The following ZBTB20 variants were observed in gnomAD, a reference collection of about 807,000 sequenced individuals.
The protein encoded by ZBTB20 is zinc finger and BTB domain containing 20.
Under a neutral mutation model 56.9 loss-of-function variants are expected in ZBTB20, and 9 were observed. The ratio of observed to expected loss-of-function variants is 0.16; its 90% CI spans 0.10 to 0.28. ZBTB20 has a LOEUF of 0.28. Among genes scored for constraint, ZBTB20 ranks in the 10% least tolerant of loss-of-function variants. ZBTB20 has a pLI of 1.00. For missense variants in ZBTB20, 655 were observed against 1,003.0 expected (o/e 0.65, Z 4.69); for synonymous variants, 417 against 420.7 (o/e 0.99, Z 0.11).
At chr3:114,342,237 A>G (rs900532221) in intron 11 of ZBTB20, among the ~76,000 whole-genome samples, 2 of 152,198 alleles carry the variant, frequency 1.3e-5, no homozygotes, top group African/African-American at 4.8e-5. Context: ...TTTCTTGCAT[A>G]TTACTTACAG....
intron 5 of ZBTB20, among the ~76,000 whole-genome samples, chr3:114,713,540 C>T (rs933867100): frequency 5.3e-5 from 8 of 152,084 alleles, no homozygotes; most frequent in Admixed American, 6.6e-5. Context: ...CCTGATGGCC[C>T]CCTCAAAGCA....
chr3:114,592,285 C>T (rs2055847203), intron 6 of ZBTB20, among the ~76,000 whole-genome samples: 1 of 152,150 alleles, frequency 6.6e-6, no homozygotes, highest in Admixed American at 6.5e-5. Context: ...ATAATACTAG[C>T]TTTGCCTTAG....
chr3:114,553,086 A>G (rs1323175106), intron 6 of ZBTB20, among the ~76,000 whole-genome samples: 3 of 152,188 alleles, frequency 2.0e-5, no homozygotes, highest in African/African-American at 7.2e-5. Flanking sequence ...AGCAACTGGG[A>G]GCAATGCCTT....
Position 114,338,669 on chromosome 3 carries a change from C to G in ZBTB20, c.*336G>C. On this transcript the variant is annotated 3_prime_UTR_variant, in exon 12 of 12. Transcript: ENST00000675478. Reference sequence around the variant, plus strand: ...AGTGGAAATTTTTTTTTTTTTTTTACTTTTTTTTAAAAGATTTTTTTGTAA... The same window carrying G: ...AGTGGAAATTTTTTTTTTTTTTTTAGTTTTTTTTAAAAGATTTTTTTGTAA... The G allele has an allele frequency of 1.9e-5, 3 of 154,420 alleles. No individual in the cohort carries two copies. Among genetic ancestry groups the G allele is most frequent in the Non-Finnish European group, 4.1e-5 (3 of 73,466 alleles). The allele number at this position is 154,420 out of a possible 1,614,324, so 9.6% of individuals were successfully genotyped here.
chr3:115,020,288 A>G (rs1318909932), intron 2 of ZBTB20, among the ~76,000 whole-genome samples: 1 of 151,198 alleles, frequency 6.6e-6, no homozygotes, highest in Non-Finnish European at 1.5e-5. Context: ...TGCTACACCT[A>G]TAAATTACCA....
At chr3:114,940,311 C>T (rs1262828903) in intron 3 of ZBTB20, among the ~76,000 whole-genome samples, 3 of 146,294 alleles carry the variant, frequency 2.1e-5, no homozygotes, top group Admixed American at 1.3e-4. Flanking sequence ...ACTCTCTTCA[C>T]TATGCACATA....
intron 6 of ZBTB20, among the ~76,000 whole-genome samples, chr3:114,630,637 G>A (rs1210259718): frequency 5.3e-5 from 8 of 152,186 alleles, no homozygotes; most frequent in African/African-American, 9.7e-5. Context: ...TGGAGAAACC[G>A]TGCACATTGC....
chr3:115,018,736 T>C (rs1424731765), intron 2 of ZBTB20, among the ~76,000 whole-genome samples: 1 of 151,534 alleles, frequency 6.6e-6, no homozygotes, highest in African/African-American at 2.4e-5. Context: ...ATAACTACAA[T>C]TCCTTGAAGA....
intron 5 of ZBTB20, chr3:114,714,155 G>C (rs1254581511): frequency 6.6e-6 from 1 of 152,426 alleles, no homozygotes; most frequent in Non-Finnish European, 1.5e-5. Flanking sequence ...ACTGAAATAA[G>C]TGAAGTACAG....
intron 8 of ZBTB20, among the ~76,000 whole-genome samples, chr3:114,383,914 G>A (rs953087385): frequency 6.6e-6 from 1 of 152,176 alleles, no homozygotes; most frequent in African/African-American, 2.4e-5. Context: ...ACATCTGAGG[G>A]CAAGTCTTTT....
chr3:114,354,912 A>G (rs1343619880), intron 10 of ZBTB20, among the ~76,000 whole-genome samples: 2 of 152,168 alleles, frequency 1.3e-5, no homozygotes, highest in Non-Finnish European at 2.9e-5. Flanking sequence ...GCTATTTCAT[A>G]TAAGAGAAAG....
chr3:115,014,790 C>T (rs1371511650), intron 2 of ZBTB20, among the ~76,000 whole-genome samples: 4 of 151,314 alleles, frequency 2.6e-5, no homozygotes, highest in African/African-American at 9.7e-5. Flanking sequence ...TTTTTGTTTC[C>T]TTATTGTTTG....
intron 5 of ZBTB20, among the ~76,000 whole-genome samples, chr3:114,694,691 A>G (rs2062898833): frequency 6.6e-6 from 1 of 152,074 alleles, no homozygotes; most frequent in Admixed American, 6.6e-5. Flanking sequence ...GATAGCTAGA[A>G]TCATAAGTAT....
intron 6 of ZBTB20, among the ~76,000 whole-genome samples, chr3:114,657,620 C>G (rs190372947): frequency 1.3e-5 from 2 of 152,268 alleles, no homozygotes; most frequent in African/African-American, 4.8e-5. Flanking sequence ...GCTCCATTCG[C>G]TAACATCACA....
chr3:115,062,943 T>C (rs1024421851), intron 2 of ZBTB20, among the ~76,000 whole-genome samples: 1 of 152,340 alleles, frequency 6.6e-6, no homozygotes, highest in East Asian at 1.9e-4. Context: ...ATTTGTCTTA[T>C]GATTATACCT....
chr3:115,096,251 T>C (rs2083376964), intron 1 of ZBTB20, among the ~76,000 whole-genome samples: 1 of 152,212 alleles, frequency 6.6e-6, no homozygotes, highest in Admixed American at 6.5e-5. Context: ...AAACTGTTTC[T>C]ATGTAGGTAA....
At chr3:114,517,126 C>T (rs139215273) in intron 6 of ZBTB20, among the ~76,000 whole-genome samples, 1 of 152,228 alleles carries the variant, frequency 6.6e-6, no homozygotes, top group Non-Finnish European at 1.5e-5. Flanking sequence ...TTTTTGTTCA[C>T]TAATAAGTAA....
chr3:114,615,344 A>G (rs1342248369), intron 6 of ZBTB20, among the ~76,000 whole-genome samples: 1 of 152,148 alleles, frequency 6.6e-6, no homozygotes, highest in Non-Finnish European at 1.5e-5. Flanking sequence ...ATATCTAGGG[A>G]ATCACTTTTA....
At chr3:114,878,515 T>C (rs2076279539) in intron 4 of ZBTB20, among the ~76,000 whole-genome samples, 1 of 151,470 alleles carries the variant, frequency 6.6e-6, no homozygotes. Flanking sequence ...GTCAAATGTT[T>C]CTCCACTCAG....
Sources: allele counts gnomAD v4.1 joint callset (sites outside exome capture counted in the v4.1 genomes callset), GRCh38; gene constraint gnomAD v4.1.1; transcripts MANE v1.5; gene names NCBI Gene and HGNC (gene_info 2026-07-23, HGNC 2026-07-21).